The following GLT8D2 variants were observed in gnomAD, a reference collection of about 807,000 sequenced individuals.
The protein encoded by GLT8D2 is glycosyltransferase 8 domain-containing protein 2.
Under a neutral mutation model 44.5 loss-of-function variants are expected in GLT8D2, and 45 were observed. The observed-to-expected ratio is 1.01, with a 90% CI of 0.80 to 1.30. The LOEUF is 1.30. GLT8D2 is among the 50% of genes most tolerant of loss of function. The pLI is 0.00. For missense variants in GLT8D2, 400 were observed against 430.4 expected (o/e 0.93, Z 0.62); for synonymous variants, 156 against 157.2 (o/e 0.99, Z 0.06).
At chr12:104,048,129 T>C (rs918388014) in intron 1 of GLT8D2, among the ~76,000 whole-genome samples, 8 of 152,282 alleles carry the variant, frequency 5.3e-5, no homozygotes, top group African/African-American at 9.6e-5. Context: ...GTCCTTAACT[T>C]GAGAAGGAAA....
At chr12:104,048,068 A>G (rs1349415827) in intron 1 of GLT8D2, among the ~76,000 whole-genome samples, 2 of 152,190 alleles carry the variant, frequency 1.3e-5, no homozygotes, top group Non-Finnish European at 2.9e-5. Flanking sequence ...TCTGATCTCC[A>G]ATTTAGGCCA....
At chr12:104,018,069 A>G (rs1877121181) in intron 3 of GLT8D2, among the ~76,000 whole-genome samples, 1 of 152,116 alleles carries the variant, frequency 6.6e-6, no homozygotes, top group Non-Finnish European at 1.5e-5. Context: ...TTGCAGGCTC[A>G]GGTGATTCTC....
chr12:104,041,400 A>AGCCTGG (rs1257708750), intron 1 of GLT8D2, among the ~76,000 whole-genome samples: 11 of 151,600 alleles, frequency 7.3e-5, no homozygotes, highest in Non-Finnish European at 1.0e-4. Flanking sequence ...GGCGACAGAA[A>AGCCTGG]GAGACTCTGT....
chr12:104,007,265 T>TCTCC lies in GLT8D2; in HGVS notation c.113-3960_113-3959insGGAG, dbSNP rs377119502. Among the ~76,000 whole-genome samples, 392 of 136,132 alleles carry TCTCC rather than the reference T, an allele frequency of 2.9e-3. 3 individuals are homozygous for TCTCC. The highest frequency in any genetic ancestry group is 8.6e-3 in the South Asian group (34 of 3,970). The allele number at this position is 136,132 out of a possible 152,430, so 89.3% of individuals were successfully genotyped here. A position where few individuals can be genotyped will look rare whatever the true frequency, so the allele number is the denominator to read the frequency against. On this transcript the variant is annotated intron_variant, in intron 4 of 10. Transcript: ENST00000360814. ...CTCTCTCTCTCTCTCTCTCTCTCTC[T>TCTCC]CCCCCCGCTCTCTCCACCTGCTCTC...
intron 2 of GLT8D2, among the ~76,000 whole-genome samples, chr12:104,020,601 T>C (rs1199428504): frequency 6.6e-6 from 1 of 152,112 alleles, no homozygotes; most frequent in African/African-American, 2.4e-5. Flanking sequence ...TATTAGATTA[T>C]GGTAAGTGCT....
intron 8 of GLT8D2, among the ~76,000 whole-genome samples, chr12:103,995,642 T>C (rs1228612132): frequency 1.3e-5 from 2 of 152,222 alleles, no homozygotes; most frequent in Non-Finnish European, 2.9e-5. Context: ...GGAGTTTTCG[T>C]TTTGCTCACT....
chr12:104,061,333 GT>G (rs1041674487), intron 1 of GLT8D2, among the ~76,000 whole-genome samples: 1 of 152,058 alleles, frequency 6.6e-6, no homozygotes, highest in Non-Finnish European at 1.5e-5. Context: ...TCATAGACTA[GT>G]TTTTTTAAAT....
intron 1 of GLT8D2, among the ~76,000 whole-genome samples, chr12:104,063,104 A>T (rs1204510190): frequency 6.6e-6 from 1 of 150,828 alleles, no homozygotes; most frequent in African/African-American, 2.4e-5. Flanking sequence ...CATACCACCC[A>T]CTCCCCTGCC....
chr12:104,059,292 T>C (rs1882429768), intron 1 of GLT8D2, among the ~76,000 whole-genome samples: 1 of 152,190 alleles, frequency 6.6e-6, no homozygotes, highest in Admixed American at 6.5e-5. Context: ...TCCAGGACTT[T>C]GATCCACCAA....
chr12:104,012,920 G>A (rs1262858174), intron 4 of GLT8D2: 5 of 621,414 alleles, frequency 8.0e-6, no homozygotes, highest in African/African-American at 3.8e-5. Context: ...GCAAGAAGGC[G>A]GCCATCTGCA....
intron 1 of GLT8D2, among the ~76,000 whole-genome samples, chr12:104,032,466 C>CAAAAAAAAAAAAAAAAAAA (rs547392677): frequency 2.8e-3 from 166 of 59,596 alleles, no homozygotes; most frequent in Non-Finnish European, 4.4e-3. Flanking sequence ...TGTGCAATAG[C>CAAAAAAAAAAAAAAAAAAA]AAAAAAAAAA....
At chr12:104,017,206 T>C (rs938111280) in intron 3 of GLT8D2, among the ~76,000 whole-genome samples, 2 of 152,190 alleles carry the variant, frequency 1.3e-5, no homozygotes, top group Non-Finnish European at 2.9e-5. Context: ...TAATTGTATA[T>C]GTGTTTAAAG....
At chr12:104,024,589 T>A (rs1200398837) in intron 1 of GLT8D2, among the ~76,000 whole-genome samples, 1 of 152,204 alleles carries the variant, frequency 6.6e-6, no homozygotes, top group Non-Finnish European at 1.5e-5. Context: ...TTTTAGCTGT[T>A]ATAATGGGTG....
At chr12:103,993,936 A>T (rs1479678750) in intron 9 of GLT8D2, 1 of 162,582 alleles carries the variant, frequency 6.2e-6, no homozygotes, top group Non-Finnish European at 1.3e-5. Context: ...TAAAACTCCG[A>T]TAACGAAAAA....
At chr12:104,012,189 A>T (rs6539117) in intron 4 of GLT8D2, among the ~76,000 whole-genome samples, 6,293 of 97,462 alleles carry the variant, frequency 0.065, 232 homozygotes, top group Non-Finnish European at 0.07. Flanking sequence ...AAAAAAAAAA[A>T]ATATATATAT....
chr12:104,046,502 A>G (rs1009523788), intron 1 of GLT8D2, among the ~76,000 whole-genome samples: 2 of 152,196 alleles, frequency 1.3e-5, no homozygotes, highest in Non-Finnish European at 2.9e-5. Context: ...AACCACCTTG[A>G]TAGTTACTAC....
At chr12:104,057,043 G>A (rs1424785493) in intron 1 of GLT8D2, among the ~76,000 whole-genome samples, 2 of 152,210 alleles carry the variant, frequency 1.3e-5, no homozygotes, top group African/African-American at 4.8e-5. Flanking sequence ...TGGTGGCCAT[G>A]GGAATGTTGA....
chr12:104,029,657 T>C (rs1318590715), intron 1 of GLT8D2: 1 of 152,194 alleles, frequency 6.6e-6, no homozygotes, highest in Non-Finnish European at 1.5e-5. Context: ...TTTATGAGGA[T>C]TAAATGCAGT....
chr12:104,054,671 C>A (rs1015223428), upstream of GLT8D2, among the ~76,000 whole-genome samples: 5 of 152,086 alleles, frequency 3.3e-5, no homozygotes, highest in Non-Finnish European at 7.4e-5. Flanking sequence ...GGATGTCCTG[C>A]AGCTAGAGTG....
Sources: gnomAD v4.1 joint callset for allele counts (sites outside exome capture counted in the v4.1 genomes callset) on GRCh38, gnomAD v4.1.1 for gene constraint, MANE v1.5 for transcripts, NCBI Gene and HGNC (gene_info 2026-07-23, HGNC 2026-07-21) for gene names.